The following QTMAN variants were observed in gnomAD, a reference collection of about 807,000 sequenced individuals.
The protein encoded by QTMAN is tRNA-queuosine alpha-mannosyltransferase.
chr2:144,092,868 GGGGT>G, the QTMAN span, among the ~76,000 whole-genome samples: 562 of 89,480 alleles, frequency 6.3e-3, 5 homozygotes, highest in African/African-American at 0.034. Flanking sequence ...ATAAACTTTT[GGGGT>G]GTGTGTGTGT....
the QTMAN span, among the ~76,000 whole-genome samples, chr2:144,193,143 AT>A: frequency 1.3e-5 from 2 of 152,070 alleles, no homozygotes; most frequent in Non-Finnish European, 2.9e-5. Context: ...TACACCTTTT[AT>A]TTCTTTAAGA....
chr2:144,237,776 GATCAA>G, the QTMAN span, among the ~76,000 whole-genome samples: 1 of 152,122 alleles, frequency 6.6e-6, no homozygotes, highest in South Asian at 2.1e-4. Context: ...TGGTCTGAGT[GATCAA>G]CAGAATGCAG....
At chr2:144,200,231 A>T in the QTMAN span, among the ~76,000 whole-genome samples, 2 of 152,074 alleles carry the variant, frequency 1.3e-5, no homozygotes, top group Admixed American at 6.6e-5. Context: ...GCATTAATTT[A>T]AAAAAAAGTT....
At chr2:144,136,889 C>A in the QTMAN span, among the ~76,000 whole-genome samples, 1 of 152,148 alleles carries the variant, frequency 6.6e-6, no homozygotes, top group Non-Finnish European at 1.5e-5. Context: ...ATTAATATTA[C>A]AAAATCTGTT....
chr2:144,125,781 T>C, the QTMAN span, among the ~76,000 whole-genome samples: 10 of 152,068 alleles, frequency 6.6e-5, no homozygotes, highest in African/African-American at 2.4e-4. Flanking sequence ...AAAGATTATA[T>C]GAAAAGGTAT....
the QTMAN span, among the ~76,000 whole-genome samples, chr2:144,193,369 C>A: frequency 6.7e-6 from 1 of 149,308 alleles, no homozygotes; most frequent in African/African-American, 2.4e-5. Context: ...AAAATGACCC[C>A]TATTTTAATC....
the QTMAN span, among the ~76,000 whole-genome samples, chr2:144,238,536 T>C: frequency 6.6e-6 from 1 of 152,172 alleles, no homozygotes; most frequent in Admixed American, 6.6e-5. Context: ...ACTCTACATA[T>C]GAAAATTCTC....
At chr2:144,327,355 G>A in the QTMAN span, among the ~76,000 whole-genome samples, 15 of 152,080 alleles carry the variant, frequency 9.9e-5, no homozygotes, top group Admixed American at 3.3e-4. Flanking sequence ...ACCTAAACAC[G>A]GGGTGGTGAG....
At chr2:143,987,116 T>G in the QTMAN span, among the ~76,000 whole-genome samples, 1 of 152,124 alleles carries the variant, frequency 6.6e-6, no homozygotes, top group East Asian at 1.9e-4. Context: ...GGTTACACAT[T>G]TAAAATGGCC....
chr2:144,189,869 A>G, the QTMAN span, among the ~76,000 whole-genome samples: 4 of 151,966 alleles, frequency 2.6e-5, no homozygotes, highest in African/African-American at 9.7e-5. Context: ...TGATCCACCC[A>G]ACTCAGCCTC....
chr2:144,160,586 G>A, the QTMAN span, among the ~76,000 whole-genome samples: 1 of 152,084 alleles, frequency 6.6e-6, no homozygotes. Flanking sequence ...AGAAAACATG[G>A]TAACTTATGC....
At chr2:144,159,740 G>C in the QTMAN span, among the ~76,000 whole-genome samples, 5 of 152,050 alleles carry the variant, frequency 3.3e-5, no homozygotes, top group Admixed American at 6.6e-5. Flanking sequence ...ATTCCAGACA[G>C]AGAGCTTACA....
At chr2:144,028,302 A>T in the QTMAN span, among the ~76,000 whole-genome samples, 2 of 152,226 alleles carry the variant, frequency 1.3e-5, no homozygotes, top group Non-Finnish European at 2.9e-5. Context: ...AACAAAGTTT[A>T]GTGTTGCAAA....
chr2:144,152,153 G>A, the QTMAN span, among the ~76,000 whole-genome samples: 1 of 152,090 alleles, frequency 6.6e-6, no homozygotes, highest in Non-Finnish European at 1.5e-5. Context: ...TTCCTTTCCT[G>A]TGCTTATCAC....
chr2:144,280,442 T>A, the QTMAN span, among the ~76,000 whole-genome samples: 5 of 152,176 alleles, frequency 3.3e-5, no homozygotes, highest in African/African-American at 1.2e-4. Flanking sequence ...GATGCAGCCT[T>A]CCATTAAACA....
At chr2:144,315,047 G>A in the QTMAN span, among the ~76,000 whole-genome samples, 14 of 151,956 alleles carry the variant, frequency 9.2e-5, no homozygotes, top group South Asian at 8.3e-4. Flanking sequence ...CACCATCCCC[G>A]GCTAATTTTG....
At chr2:144,134,281 A>G in the QTMAN span, among the ~76,000 whole-genome samples, 1 of 152,082 alleles carries the variant, frequency 6.6e-6, no homozygotes, top group Admixed American at 6.6e-5. Context: ...AAGTTTTCAC[A>G]CTGTTTTTAA....
the QTMAN span, among the ~76,000 whole-genome samples, chr2:144,045,672 T>A: frequency 6.6e-6 from 1 of 152,138 alleles, no homozygotes; most frequent in Non-Finnish European, 1.5e-5. Context: ...GTGGCTTTCA[T>A]TTATAAGTAT....
chr2:144,164,462 G>A, the QTMAN span, among the ~76,000 whole-genome samples: 3 of 152,090 alleles, frequency 2.0e-5, no homozygotes, highest in Non-Finnish European at 2.9e-5. Flanking sequence ...ATTTCAAAAT[G>A]TTGCAATATC....
Sources: gnomAD v4.1 joint callset for allele counts (sites outside exome capture counted in the v4.1 genomes callset) on GRCh38, gnomAD v4.1.1 for gene constraint, MANE v1.5 for transcripts, NCBI Gene and HGNC (gene_info 2026-07-23, HGNC 2026-07-21) for gene names.